The following PTPRC variants were observed in gnomAD, a reference collection of about 807,000 sequenced individuals.
PTPRC encodes the protein protein tyrosine phosphatase receptor type C.
A neutral mutation model predicts 155.9 loss-of-function variants in PTPRC; 44 were observed. The ratio of observed to expected loss-of-function variants is 0.28; its 90% CI spans 0.22 to 0.36. The LOEUF (loss-of-function observed/expected upper bound fraction) is 0.36, where lower values mean the gene tolerates loss of function less well. Among genes scored for constraint, PTPRC ranks in the 10% least tolerant of loss-of-function variants. The pLI, the probability that PTPRC is intolerant of heterozygous loss-of-function variation, is 1.00. For synonymous variants in PTPRC, 525 were observed against 533.1 expected (o/e 0.98, Z 0.21); for missense variants, 1,401 against 1,564.6 (o/e 0.90, Z 1.76).
In PTPRC at chr1:198,706,830, G is replaced by T. The variant is rs142941257; in HGVS notation, c.782G>T (p.Gly261Val). ...AATGTTAATGAGAATGTGGAATGTGGAAACAATACTTGCACAAACAATGAG... is the reference window on the plus strand; with the variant it reads ...AATGTTAATGAGAATGTGGAATGTGTAAACAATACTTGCACAAACAATGAG... ...KLNVNENVEC[G>V]NNTCTNNEVH... is the part of the protein sequence containing the mutation. Residue 261 changes from glycine to valine, a missense_variant, in exon 9 of 33, where the codon GGA becomes GTA. Physicochemically the swap from Gly to Val is moderately radical, Grantham distance 109. This residue lies in a region of PTPRC where 867 missense variants were observed against 970.4 expected (regional missense o/e 0.89). Coordinates refer to ENST00000442510, the MANE Select transcript of PTPRC (RefSeq NM_002838.5). 2,759 of 1,613,172 alleles carry T rather than the reference G, an allele frequency of 1.7e-3. 4 individuals carry two copies. Among genetic ancestry groups the T allele is most frequent in the Non-Finnish European group, 2.2e-3 (2,576 of 1,179,284 alleles).
At position 198,654,969 on chromosome 1, in the gene PTPRC, C is replaced by T. The variant is rs940287847; in HGVS notation, c.73+15628C>T. Among the ~76,000 whole-genome samples the T allele has an allele frequency of 2.6e-5, 4 of 151,936 alleles. No homozygotes were observed. The East Asian group carries it at 7.7e-4, about 29-fold the overall frequency. On this transcript the variant is annotated intron_variant, in intron 2 of 32. Coordinates refer to ENST00000442510, the MANE Select transcript of PTPRC (RefSeq NM_002838.5). The stretch of plus-strand genomic sequence containing the variant: ...CAATTCAATTAAATCAGTAATAACA[C>T]TTTGCTGTTTATGTGGCTGTTTTTT...
rs1491415044 is a variant in PTPRC, at chr1:198,724,702, CTT to C, written c.1720+2232_1720+2233del. On this transcript the variant is annotated intron_variant, in intron 15 of 32. Coordinates refer to ENST00000442510, the MANE Select transcript of PTPRC (RefSeq NM_002838.5). ...TCTCTCTCTCTCTCTCTCTCTCTCT[CTT>C]TTTTTGGTCTGTTCCCAAGTTTTCC... Among the ~76,000 whole-genome samples, 401 of 143,698 alleles carry C rather than the reference CTT, an allele frequency of 2.8e-3. 2 individuals are homozygous for C. The highest frequency in any genetic ancestry group is 4.8e-3 in the Non-Finnish European group (318 of 66,108). The allele number at this position is 143,698 out of a possible 152,430, so 94.3% of individuals were successfully genotyped here. A position where few individuals can be genotyped will look rare whatever the true frequency, so the allele number is the denominator to read the frequency against.
At chr1:198,703,182 C>T (rs754106721) in intron 6 of PTPRC, 116 bp from the exon 7 acceptor site, 145 of 1,409,656 alleles carry the variant, frequency 1.0e-4, no homozygotes, top group East Asian at 6.6e-4. Context: ...TCAAATCAAA[C>T]GAGGACTCCT....
chr1:198,641,132 C>T (rs907799451), intron 2 of PTPRC, among the ~76,000 whole-genome samples: 2 of 151,926 alleles, frequency 1.3e-5, no homozygotes, highest in East Asian at 3.9e-4. Flanking sequence ...TGAGAGCAAA[C>T]ATTTTTCTAA....
At chr1:198,640,488 T>A (rs2102165311) in intron 2 of PTPRC, among the ~76,000 whole-genome samples, 2 of 152,072 alleles carry the variant, frequency 1.3e-5, no homozygotes, top group South Asian at 4.1e-4. Context: ...ATTTTTGTTG[T>A]TGTTGTTGTG....
intron 6 of PTPRC, 65 bp downstream of exon 6, chr1:198,702,595 A>G: frequency 2.5e-6 from 4 of 1,580,856 alleles, no homozygotes; most frequent in South Asian, 1.1e-5. Context: ...TCAAAACTTT[A>G]ATGTAGCTCT....
intron 2 of PTPRC, among the ~76,000 whole-genome samples, chr1:198,655,617 T>G (rs1365970651): frequency 2.6e-5 from 2 of 76,072 alleles, no homozygotes; most frequent in African/African-American, 1.8e-4. Context: ...TTGACTTCTT[T>G]AAGCCTGGTT....
intron 11 of PTPRC, among the ~76,000 whole-genome samples, chr1:198,711,115 T>A (rs1052390477): frequency 6.6e-6 from 1 of 152,136 alleles, no homozygotes; most frequent in African/African-American, 2.4e-5. Context: ...TGAGCCACCA[T>A]GCCCGGCCCG....
Position 198,749,398 on chromosome 1 carries a change from C to T in PTPRC, c.2939-18C>T, listed in dbSNP as rs779738280. 1.2e-6 allele frequency: 2 copies of T among 1,603,432 alleles called. No individual in the cohort carries two copies. The highest frequency in any genetic ancestry group is 1.7e-6 in the Non-Finnish European group (2 of 1,171,784). Reference sequence around the variant, plus strand: ...TAATTTTTTCAAGGAAGACTTACTACTGATTTATTTCACATAGATGACTAT... The same window carrying T: ...TAATTTTTTCAAGGAAGACTTACTATTGATTTATTTCACATAGATGACTAT... On this transcript the variant is annotated intron_variant, in intron 27 of 32. Coordinates refer to ENST00000442510, the MANE Select transcript of PTPRC (RefSeq NM_002838.5).
At chr1:198,645,165 T>G (rs1662871763) in intron 2 of PTPRC, among the ~76,000 whole-genome samples, 1 of 151,806 alleles carries the variant, frequency 6.6e-6, no homozygotes, top group South Asian at 2.1e-4. Flanking sequence ...ATAGCAAACT[T>G]GATAGAAATC....
chr1:198,681,267 T>C (rs1274356140), intron 2 of PTPRC, among the ~76,000 whole-genome samples: 1 of 152,198 alleles, frequency 6.6e-6, no homozygotes, highest in African/African-American at 2.4e-5. Flanking sequence ...CATAAGACAA[T>C]TGATAGGAAT....
chr1:198,735,041 G>GT, intron 22 of PTPRC, 86 bp from the exon 23 acceptor site: 1 of 1,217,610 alleles, frequency 8.2e-7, no homozygotes, highest in Admixed American at 2.1e-5. Flanking sequence ...ATGAGTATAG[G>GT]TTTTGTTTTC....
chr1:198,660,358 C>T (rs902419060), intron 2 of PTPRC, among the ~76,000 whole-genome samples: 1 of 151,688 alleles, frequency 6.6e-6, no homozygotes. Context: ...ATTTACATTT[C>T]CTTTGTGAAT....
At chr1:198,736,039 T>TTTA (rs1654621761) in intron 23 of PTPRC, among the ~76,000 whole-genome samples, 2 of 151,576 alleles carry the variant, frequency 1.3e-5, no homozygotes, top group Admixed American at 6.6e-5. Context: ...ACAAATGAAT[T>TTTA]TTATTTTTAA....
chr1:198,740,784 C>A (rs189550297), intron 23 of PTPRC, among the ~76,000 whole-genome samples: 4 of 151,974 alleles, frequency 2.6e-5, no homozygotes. Context: ...TAGATACATG[C>A]AACCTATCAA....
chr1:198,742,149 A>G (rs1179519732), intron 24 of PTPRC, 83 bp from the exon 25 acceptor site: 3 of 1,603,992 alleles, frequency 1.9e-6, no homozygotes, highest in Admixed American at 1.7e-5. Flanking sequence ...AACCTATGGG[A>G]GAAGCTTAGA....
intron 23 of PTPRC, among the ~76,000 whole-genome samples, chr1:198,739,903 A>G (rs1310991633): frequency 6.6e-6 from 1 of 151,898 alleles, no homozygotes; most frequent in Non-Finnish European, 1.5e-5. Flanking sequence ...CTAGAAATCA[A>G]TAACAAGAAT....
At chr1:198,745,687 G>A (rs1655106937) in intron 26 of PTPRC, among the ~76,000 whole-genome samples, 1 of 151,786 alleles carries the variant, frequency 6.6e-6, no homozygotes, top group South Asian at 2.1e-4. Flanking sequence ...CTCTTTGGGG[G>A]TAGAGGCTGT....
In PTPRC at chr1:198,756,107, C is replaced by T. The variant is rs1286358110; in HGVS notation, c.3847C>T (p.Pro1283Ser). The T allele has an allele frequency of 6.2e-7, 1 of 1,613,408 alleles. No individual in the cohort carries two copies. The highest frequency in any genetic ancestry group is 8.5e-7 in the Non-Finnish European group (1 of 1,179,672). Residue 1283 changes from proline to serine, a missense_variant, in exon 33 of 33, where the codon CCC becomes TCC. By Grantham distance (74) the Pro-to-Ser change is moderately conservative. Transcript: ENST00000442510. The stretch of plus-strand genomic sequence containing the variant: ...AAAGGAACAGGCTGAAGGTTCTGAA[C>T]CCACGAGTGGCACTGAGGGGCCAGA... ...EAKEQAEGSE[P>S]TSGTEGPEHS...
Sources: allele counts gnomAD v4.1 joint callset (sites outside exome capture counted in the v4.1 genomes callset), GRCh38; gene constraint gnomAD v4.1.1; regional missense constraint gnomAD v4.1.1; transcripts MANE v1.5; gene names NCBI Gene and HGNC (gene_info 2026-07-23, HGNC 2026-07-21).